Variants in MBOAT1 observed in about 807,000 individuals in gnomAD.
MBOAT1 encodes the protein membrane bound glycerophospholipid O-acyltransferase 1, also known as membrane-bound glycerophospholipid O-acyltransferase 1.
MBOAT1 carries 67 observed loss-of-function variants against 64.4 expected under a neutral mutation model. The observed-to-expected ratio is 1.04, with a 90% CI of 0.85 to 1.27. MBOAT1 has a LOEUF of 1.27. MBOAT1 is among the 50% of genes most tolerant of loss of function. MBOAT1 has a pLI of 0.00. For missense variants in MBOAT1, 563 were observed against 604.6 expected (o/e 0.93, Z 0.72); for synonymous variants, 229 against 218.9 (o/e 1.05, Z -0.41).
intron 1 of MBOAT1, among the ~76,000 whole-genome samples, chr6:20,195,593 A>C (rs572817115): frequency 2.8e-3 from 375 of 134,788 alleles, no homozygotes; most frequent in African/African-American, 9.5e-3. Context: ...AGCTGACAGG[A>C]AAATAAATTG....
At chr6:20,167,014 T>C (rs895353978) in intron 1 of MBOAT1, among the ~76,000 whole-genome samples, 3 of 152,140 alleles carry the variant, frequency 2.0e-5, no homozygotes. Context: ...AAACCCATTG[T>C]GGTCAATCAG....
chr6:20,168,954 AGAGAAGAAAAC>A (rs1411126971), intron 1 of MBOAT1, among the ~76,000 whole-genome samples: 3 of 146,438 alleles, frequency 2.0e-5, no homozygotes, highest in Admixed American at 6.8e-5. Flanking sequence ...ATTTAAAGAG[AGAGAAGAAAAC>A]GATGGAACAG....
chr6:20,210,117 C>A (rs544754450), intron 1 of MBOAT1, among the ~76,000 whole-genome samples: 5 of 152,292 alleles, frequency 3.3e-5, no homozygotes, highest in African/African-American at 9.6e-5. Context: ...GATACAAGAA[C>A]CTTCCTAATG....
chr6:20,130,980 G>T (rs1760807041), intron 5 of MBOAT1, among the ~76,000 whole-genome samples, 164 bp downstream of exon 5: 4 of 152,174 alleles, frequency 2.6e-5, no homozygotes, highest in Admixed American at 2.6e-4. Context: ...AATCATGGCT[G>T]GAAAAGTGAA....
chr6:20,192,491 G>A (rs578023289), intron 1 of MBOAT1, among the ~76,000 whole-genome samples: 1 of 152,268 alleles, frequency 6.6e-6, no homozygotes, highest in Admixed American at 6.5e-5. Context: ...TTAAGACCAA[G>A]ACATTTCAGT....
intron 2 of MBOAT1, among the ~76,000 whole-genome samples, chr6:20,151,669 G>T (rs909180336): frequency 9.9e-5 from 15 of 152,094 alleles, no homozygotes; most frequent in African/African-American, 3.1e-4. Context: ...AGGAATAGGG[G>T]CAGAATTCTA....
chr6:20,168,937 C>T (rs538648726), intron 1 of MBOAT1, among the ~76,000 whole-genome samples: 12 of 132,432 alleles, frequency 9.1e-5, no homozygotes, highest in African/African-American at 3.3e-4. Flanking sequence ...AGAGGTTAAA[C>T]AAGGTCATTT....
At chr6:20,146,111 AT>A (rs1410052995) in intron 3 of MBOAT1, among the ~76,000 whole-genome samples, 2 of 152,220 alleles carry the variant, frequency 1.3e-5, no homozygotes, top group African/African-American at 4.8e-5. Flanking sequence ...TACATTACAC[AT>A]TTTAAGTGGT....
rs1034728842 is a variant in MBOAT1 at position 20,170,341 on chromosome 6, T to C, written c.100-17572A>G. Among the ~76,000 whole-genome samples the C allele has an allele frequency of 6.6e-5, 10 of 152,268 alleles. No individual in the cohort carries two copies. The East Asian group carries it at 1.2e-3, about 18-fold the overall frequency. ...CAGAAATCCTCACTTGCATAAACCA[T>C]AGACACCTAAATTTCTCTGTCCTTA... On this transcript the variant is annotated intron_variant, in intron 1 of 12. Transcript: ENST00000324607.
intron 1 of MBOAT1, among the ~76,000 whole-genome samples, chr6:20,189,397 AT>A (rs1282984556): frequency 2.0e-5 from 3 of 152,030 alleles, no homozygotes; most frequent in South Asian, 2.1e-4. Flanking sequence ...TTTCTAAGTA[AT>A]TTTTTTTAAG....
chr6:20,156,048 C>A (rs543321401), intron 1 of MBOAT1, among the ~76,000 whole-genome samples: 52 of 152,116 alleles, frequency 3.4e-4, no homozygotes, highest in African/African-American at 1.1e-3. Context: ...GCGGGCAGAT[C>A]ACGAGGTCAG....
In MBOAT1 at chr6:20,128,751, A is replaced by G. The variant is rs775786570; in HGVS notation, c.478T>C (p.Leu160=). 1.1e-5 allele frequency: 18 copies of G among 1,596,920 alleles called. No homozygotes were observed. The South Asian group carries it at 2.0e-4, about 17-fold the overall frequency. ...TTLAFQVHDG[L]GRRAEDLSAE... ...GAAAGGTCTTCAGCTCTTCGACCTA[A>G]TCCTATGAAAAAGAAAAGAATTTAG... is the stretch of plus-strand genomic sequence containing the variant. The change falls in exon 6 of 13, where the codon TTA becomes CTA. Residue 160 remains leucine, a splice_region_variant and synonymous_variant. Coordinates refer to ENST00000324607, the MANE Select transcript of MBOAT1 (RefSeq NM_001080480.3).
chr6:20,131,328 T>A (rs1397996491), intron 4 of MBOAT1, 129 bp from the exon 5 acceptor site: 2 of 760,354 alleles, frequency 2.6e-6, no homozygotes, highest in Non-Finnish European at 4.6e-6. Context: ...AGGGACCAAA[T>A]GGGAGGTAAT....
At chr6:20,211,324 G>A (rs1243901951) in intron 1 of MBOAT1, among the ~76,000 whole-genome samples, 2 of 152,158 alleles carry the variant, frequency 1.3e-5, no homozygotes, top group South Asian at 2.1e-4. Flanking sequence ...AGCATGCCCT[G>A]CCCAATTCTA....
intron 1 of MBOAT1, among the ~76,000 whole-genome samples, chr6:20,210,715 C>G (rs1343726118): frequency 6.6e-6 from 1 of 151,694 alleles, no homozygotes; most frequent in African/African-American, 2.4e-5. Context: ...AAACATTATT[C>G]TAGCACCTCC....
chr6:20,197,748 A>G (rs1380847114), intron 1 of MBOAT1, among the ~76,000 whole-genome samples: 1 of 152,040 alleles, frequency 6.6e-6, no homozygotes, highest in African/African-American at 2.4e-5. Flanking sequence ...TGCCCTGACC[A>G]CTTTGGGTAC....
intron 2 of MBOAT1, among the ~76,000 whole-genome samples, chr6:20,152,349 AT>A (rs55719135): frequency 0.4 from 56,345 of 140,160 alleles, 11,389 homozygotes; most frequent in Middle Eastern, 0.43. Context: ...TAAAAAATAA[AT>A]AAATAAATAA....
chr6:20,119,600 A>G (rs751297845), intron 8 of MBOAT1, among the ~76,000 whole-genome samples: 33 of 152,180 alleles, frequency 2.2e-4, no homozygotes, highest in Non-Finnish European at 3.2e-4. Flanking sequence ...GGCAGAGATG[A>G]TGATTTAACA....
chr6:20,111,489 T>G (rs548930400), intron 11 of MBOAT1, among the ~76,000 whole-genome samples: 10 of 152,272 alleles, frequency 6.6e-5, no homozygotes, highest in African/African-American at 2.4e-4. Context: ...ATCCGCTACC[T>G]AATTCGTTTG....
Sources: allele counts gnomAD v4.1 joint callset (sites outside exome capture counted in the v4.1 genomes callset), GRCh38; gene constraint gnomAD v4.1.1; transcripts MANE v1.5; gene names NCBI Gene and HGNC (gene_info 2026-07-23, HGNC 2026-07-21).